Variants in UBXN7 observed in about 807,000 individuals in gnomAD.
UBXN7 encodes UBX domain-containing protein 7.
UBXN7 carries 9 observed loss-of-function variants against 58.0 expected under a neutral mutation model. That is an observed-to-expected ratio of 0.16 (90% CI 0.09 to 0.27). The LOEUF (loss-of-function observed/expected upper bound fraction) is 0.27. Ranked by LOEUF, UBXN7 falls within the 10% of genes least tolerant of loss-of-function variation. The probability of loss-of-function intolerance (pLI) is 1.00; values close to 1 mark genes in which losing one functional copy is unlikely to be tolerated. For synonymous variants in UBXN7, 208 were observed against 205.0 expected (o/e 1.01, Z -0.12); for missense variants, 328 against 599.6 (o/e 0.55, Z 4.73).
chr3:196,420,975 C>T (rs780328411), intron 1 of UBXN7, among the ~76,000 whole-genome samples: 2 of 152,112 alleles, frequency 1.3e-5, no homozygotes, highest in Non-Finnish European at 2.9e-5. Context: ...GGTTACTTTT[C>T]GGTTCCACAT....
At chr3:196,390,228 AG>A (rs1339705159) in intron 5 of UBXN7, among the ~76,000 whole-genome samples, 1 of 151,810 alleles carries the variant, frequency 6.6e-6, no homozygotes, top group East Asian at 1.9e-4. Flanking sequence ...CAAAAAAAAA[AG>A]ACAAAGAAAA....
chr3:196,394,130 T>C (rs1283181410), intron 3 of UBXN7, among the ~76,000 whole-genome samples: 1 of 151,298 alleles, frequency 6.6e-6, no homozygotes, highest in Non-Finnish European at 1.5e-5. Context: ...CTCTACTAAA[T>C]ACAAAAAATT....
intron 2 of UBXN7, 49 bp downstream of exon 2, chr3:196,407,197 C>G (rs368611607): frequency 7.0e-6 from 11 of 1,579,370 alleles, no homozygotes; most frequent in Non-Finnish European, 9.5e-6. Flanking sequence ...AATGCAACTA[C>G]TTAATTTAGG....
Position 196,387,079 on chromosome 3 carries a change from C to A in UBXN7, c.468+4734G>T, listed in dbSNP as rs572697001. ...TAACCAAAACAGCATGGTGCTGGTA[C>A]CAAAACAGATATACAGACCAATGGA... On this transcript the variant is annotated intron_variant, in intron 5 of 10. Coordinates refer to ENST00000296328, the MANE Select transcript of UBXN7 (RefSeq NM_015562.2). Among the ~76,000 whole-genome samples, 6 of 152,060 alleles carry A rather than the reference C, an allele frequency of 3.9e-5. No homozygotes were observed. In the South Asian group the frequency reaches 1.2e-3, roughly 32 times the overall value.
intron 1 of UBXN7, among the ~76,000 whole-genome samples, chr3:196,424,458 G>A (rs1440462535): frequency 6.8e-6 from 1 of 147,222 alleles, no homozygotes; most frequent in South Asian, 2.2e-4. Context: ...ATAGCAGCAG[G>A]AGCATAGTTC....
chr3:196,386,911 C>A (rs1002727629), intron 5 of UBXN7, among the ~76,000 whole-genome samples: 1 of 152,146 alleles, frequency 6.6e-6, no homozygotes, highest in African/African-American at 2.4e-5. Context: ...CAAGACAATC[C>A]TAAGCAAAAA....
chr3:196,410,752 G>GCT (rs1730298833), intron 1 of UBXN7, among the ~76,000 whole-genome samples: 1 of 151,926 alleles, frequency 6.6e-6, no homozygotes, highest in Admixed American at 6.6e-5. Flanking sequence ...AACCTGGGAG[G>GCT]CGGAGGTTGC....
At chr3:196,431,955 A>C in intron 1 of UBXN7, 3 of 420,782 alleles carry the variant, frequency 7.1e-6, no homozygotes, top group Non-Finnish European at 1.4e-5. Flanking sequence ...TGCACAGAGA[A>C]GGGAAGATGA....
Position 196,407,328 on chromosome 3 carries a change from T to G in UBXN7, c.139A>C (p.Thr47Pro). Reference protein sequence around the residue: ...ACNNNLEMAVTMFLDGGGIAE... With the variant: ...ACNNNLEMAVPMFLDGGGIAE... ...ATTCCTCCACCATCCAAAAACATAG[T>G]GACTGCCATTTCCAGATTATTGTTG... Residue 47 changes from threonine to proline, a missense_variant, in exon 2 of 11, where the codon ACT becomes CCT. Thr to Pro is a conservative substitution (Grantham distance 38, BLOSUM62 -1). This residue lies in a region of UBXN7 where 106 missense variants were observed against 124.3 expected (regional missense o/e 0.85). Transcript: ENST00000296328. 6.2e-7 allele frequency: 1 copy of G among 1,613,786 alleles called. No individual in the cohort carries two copies. Among genetic ancestry groups the G allele is most frequent in the Non-Finnish European group, 8.5e-7 (1 of 1,179,992 alleles).
At chr3:196,417,181 C>G (rs371332814) in intron 1 of UBXN7, among the ~76,000 whole-genome samples, 1 of 152,080 alleles carries the variant, frequency 6.6e-6, no homozygotes, top group African/African-American at 2.4e-5. Context: ...GGCGTGGTGG[C>G]GGGCGCTTGT....
At chr3:196,374,372 G>T (rs1728928199) in intron 5 of UBXN7, among the ~76,000 whole-genome samples, 1 of 151,894 alleles carries the variant, frequency 6.6e-6, no homozygotes, top group Admixed American at 6.6e-5. Flanking sequence ...CATGTTTCAG[G>T]TACAGTTATA....
chr3:196,369,615 GCCTATGTATTAAGA>G (rs561005769), intron 6 of UBXN7, 104 bp from the exon 7 acceptor site: 15 of 777,694 alleles, frequency 1.9e-5, no homozygotes, highest in Non-Finnish European at 3.1e-5. Flanking sequence ...TATACCTCCG[GCCTATGTATTAAGA>G]TCTCACTCCT....
chr3:196,367,912 G>T, intron 8 of UBXN7, 116 bp downstream of exon 8: 2 of 1,391,588 alleles, frequency 1.4e-6, no homozygotes, highest in Non-Finnish European at 1.9e-6. Context: ...TATAGCCACA[G>T]TGATAGTTGT....
At chr3:196,394,257 G>A (rs1198694336) in intron 3 of UBXN7, among the ~76,000 whole-genome samples, 1 of 137,620 alleles carries the variant, frequency 7.3e-6, no homozygotes, top group African/African-American at 2.7e-5. Context: ...TTGCACTCCA[G>A]CCTGGGCAAC....
intron 5 of UBXN7, among the ~76,000 whole-genome samples, chr3:196,379,182 G>C (rs1729122749): frequency 8.7e-6 from 1 of 115,258 alleles, no homozygotes; most frequent in Admixed American, 9.2e-5. Flanking sequence ...TTGGTTTTGG[G>C]GGGTTTTAGC....
At chr3:196,369,976 A>G (rs1728773507) in intron 6 of UBXN7, among the ~76,000 whole-genome samples, 1 of 152,016 alleles carries the variant, frequency 6.6e-6, no homozygotes, top group African/African-American at 2.4e-5. Flanking sequence ...ACTAAAATAC[A>G]AAAATTAGCC....
intron 3 of UBXN7, among the ~76,000 whole-genome samples, chr3:196,401,828 A>G (rs1054235742): frequency 1.4e-5 from 2 of 142,408 alleles, no homozygotes; most frequent in African/African-American, 5.2e-5. Context: ...GAGAAGAGAG[A>G]AGAGAAGAGA....
At chr3:196,431,593 C>T (rs1731050940) in intron 1 of UBXN7, 2 of 151,686 alleles carry the variant, frequency 1.3e-5, no homozygotes, top group South Asian at 2.7e-4. Context: ...CCGGCGCCAT[C>T]GTCTCCGTCT....
intron 5 of UBXN7, among the ~76,000 whole-genome samples, chr3:196,376,226 A>G: frequency 6.6e-6 from 1 of 152,114 alleles, no homozygotes; most frequent in East Asian, 1.9e-4. Context: ...CTAAATGTAA[A>G]CAATATAAAG....
Sources: gnomAD v4.1 joint callset for allele counts (sites outside exome capture counted in the v4.1 genomes callset) on GRCh38, gnomAD v4.1.1 for gene constraint, gnomAD v4.1.1 regional missense constraint, MANE v1.5 for transcripts, NCBI Gene and HGNC (gene_info 2026-07-23, HGNC 2026-07-21) for gene names.